Variants in CADPS observed in about 807,000 individuals in gnomAD.
CADPS encodes calcium dependent secretion activator, also known as calcium-dependent secretion activator 1.
Under a neutral mutation model 167.3 loss-of-function variants are expected in CADPS, and 57 were observed. The ratio of observed to expected loss-of-function variants is 0.34; its 90% CI spans 0.28 to 0.42. CADPS has a LOEUF of 0.42. Among genes scored for constraint, CADPS ranks in the 20% least tolerant of loss-of-function variants. The pLI is 1.00. For synonymous variants in CADPS, 676 were observed against 635.3 expected (o/e 1.06, Z -0.96); for missense variants, 1,414 against 1,738.1 (o/e 0.81, Z 3.32).
At chr3:62,812,562 T>C (rs1420247471) in intron 1 of CADPS, among the ~76,000 whole-genome samples, 1 of 152,164 alleles carries the variant, frequency 6.6e-6, no homozygotes, top group African/African-American at 2.4e-5. Context: ...GTGCATGCAA[T>C]TTCATTTTAA....
intron 28 of CADPS, among the ~76,000 whole-genome samples, chr3:62,430,006 A>G (rs2149585542): frequency 6.6e-6 from 1 of 152,326 alleles, no homozygotes; most frequent in South Asian, 2.1e-4. Context: ...ATTTCTATGA[A>G]TGGCTTTGGA....
chr3:62,555,374 T>G (rs10470701), intron 10 of CADPS, among the ~76,000 whole-genome samples: 25,659 of 152,202 alleles, frequency 0.17, 2,418 homozygotes, highest in African/African-American at 0.27. Context: ...CCCCACTGAG[T>G]GAAGATAATT....
At chr3:62,814,572 G>T (rs2094528586) in intron 1 of CADPS, 1 of 152,084 alleles carries the variant, frequency 6.6e-6, no homozygotes, top group African/African-American at 2.4e-5. Context: ...CATGTACGGT[G>T]CATCTTGGTA....
intron 24 of CADPS, among the ~76,000 whole-genome samples, chr3:62,471,901 C>T (rs946922319): frequency 6.6e-6 from 1 of 151,544 alleles, no homozygotes; most frequent in Non-Finnish European, 1.5e-5. Context: ...GTCAAGTATC[C>T]AGAACATATA....
chr3:62,843,833 C>G (rs774953928), intron 1 of CADPS, among the ~76,000 whole-genome samples: 4 of 151,060 alleles, frequency 2.6e-5, no homozygotes, highest in Non-Finnish European at 5.9e-5. Flanking sequence ...TGAAGTTTTG[C>G]CAGCTTAAAA....
intron 6 of CADPS, among the ~76,000 whole-genome samples, chr3:62,606,346 G>A (rs1320224651): frequency 1.3e-5 from 2 of 152,100 alleles, no homozygotes; most frequent in Admixed American, 1.3e-4. Context: ...ATCTATTTAT[G>A]GATTAATGGG....
rs1576869041 is a variant in CADPS at position 62,499,068 on chromosome 3, G to T, written c.2706+94C>A. ...CAATCCCAGTTAAAAGAAAATGGGT[G>T]TTAAGGCATCTTATTCACAATCTGG... On this transcript the variant is annotated intron_variant, in intron 18 of 29. Coordinates refer to ENST00000383710, the MANE Select transcript of CADPS (RefSeq NM_003716.4). The T allele has an allele frequency of 5.7e-6, 4 of 700,210 alleles. No homozygotes were observed. In the East Asian group the frequency reaches 7.7e-5, roughly 14 times the overall value. The allele number at this position is 700,210 out of a possible 1,614,324, so 43.4% of individuals were successfully genotyped here.
Position 62,626,635 on chromosome 3 carries a change from T to C in CADPS, c.1325+19087A>G, listed in dbSNP as rs1486167980. 1.2e-5 allele frequency: 8 copies of C among 692,556 alleles called. 1 individual carries two copies. The Admixed American group carries it at 1.6e-4, about 14-fold the overall frequency. 42.9% of individuals were successfully genotyped at this position (692,556 alleles called of 1,614,324 possible). On this transcript the variant is annotated intron_variant, in intron 6 of 29. Coordinates refer to ENST00000383710, the MANE Select transcript of CADPS (RefSeq NM_003716.4). ...TAAATTTGCTAAGCCTTTTTTGTTG[T>C]ACAAAGAAGGCAATTTTGTTGACGT...
intron 1 of CADPS, among the ~76,000 whole-genome samples, chr3:62,770,680 C>A (rs568463303): frequency 3.7e-4 from 57 of 152,314 alleles, no homozygotes; most frequent in African/African-American, 1.3e-3. Context: ...CCTGCCTTGG[C>A]CTCCCAAAGT....
chr3:62,626,598 G>C (rs543749892), intron 6 of CADPS: 1 of 700,568 alleles, frequency 1.4e-6, no homozygotes, highest in African/African-American at 1.7e-5. Context: ...TCAGTGTGAA[G>C]GAAGAACGTC....
At chr3:62,672,441 G>T (rs2075691638) in intron 3 of CADPS, among the ~76,000 whole-genome samples, 1 of 152,158 alleles carries the variant, frequency 6.6e-6, no homozygotes, top group Admixed American at 6.5e-5. Context: ...GGTAGTAAGA[G>T]CCTGAGACCC....
At chr3:62,606,535 C>A (rs2060717197) in intron 6 of CADPS, among the ~76,000 whole-genome samples, 1 of 152,222 alleles carries the variant, frequency 6.6e-6, no homozygotes, top group Non-Finnish European at 1.5e-5. Context: ...TGACCTTGGA[C>A]TTCTCAGCCT....
chr3:62,602,921 G>A lies in CADPS; in HGVS notation c.1326-10173C>T, dbSNP rs138938022. On this transcript the variant is annotated intron_variant, in intron 6 of 29. Coordinates refer to ENST00000383710, the MANE Select transcript of CADPS (RefSeq NM_003716.4). The surrounding 1 kb of genome is among the most constrained non-coding windows in gnomAD (Gnocchi z 4.4). ...TTTGCCACATGTCCGTCTTGTCACC[G>A]GATCTTTCAAATCCCCTACGTATAT... 0.032 allele frequency among the ~76,000 whole-genome samples: 4,912 copies of A among 152,138 alleles called. 134 individuals carry two copies. The highest frequency in any genetic ancestry group is 0.049 in the Non-Finnish European group (3,341 of 68,006).
chr3:62,526,406 C>A (rs933466763), intron 13 of CADPS, among the ~76,000 whole-genome samples: 2 of 152,138 alleles, frequency 1.3e-5, no homozygotes, highest in Non-Finnish European at 2.9e-5. Context: ...AAGAGCAGCA[C>A]TGGCATTCAA....
chr3:62,789,623 G>C (rs2092761184), intron 1 of CADPS, among the ~76,000 whole-genome samples: 1 of 152,194 alleles, frequency 6.6e-6, no homozygotes, highest in African/African-American at 2.4e-5. Context: ...GCAGAAGCCA[G>C]CTTCACACTG....
intron 13 of CADPS, among the ~76,000 whole-genome samples, chr3:62,519,673 G>A (rs2069949663): frequency 6.6e-6 from 1 of 152,142 alleles, no homozygotes; most frequent in Non-Finnish European, 1.5e-5. Flanking sequence ...AGGCTGGGGT[G>A]CAGCAGTGTG....
chr3:62,770,850 AC>A (rs2152538736), intron 1 of CADPS, among the ~76,000 whole-genome samples: 1 of 152,282 alleles, frequency 6.6e-6, no homozygotes, highest in Non-Finnish European at 1.5e-5. Context: ...TCCAAAAGTG[AC>A]CACCAGCCTG....
chr3:62,743,369 G>A (rs478714), intron 3 of CADPS, among the ~76,000 whole-genome samples: 56,533 of 151,896 alleles, frequency 0.37, 10,767 homozygotes, highest in African/African-American at 0.4. Context: ...GGCTGCTTTC[G>A]CTACAATGAC....
chr3:62,553,808 A>G (rs1331876825), intron 10 of CADPS, among the ~76,000 whole-genome samples: 1 of 152,206 alleles, frequency 6.6e-6, no homozygotes, highest in Admixed American at 6.5e-5. Context: ...GAAGATCCAC[A>G]TGTCATAACC....
Sources: gnomAD v4.1 joint callset for allele counts (sites outside exome capture counted in the v4.1 genomes callset) on GRCh38, gnomAD v4.1.1 for gene constraint, Gnocchi (gnomAD v3.1) non-coding constraint, MANE v1.5 for transcripts, NCBI Gene and HGNC (gene_info 2026-07-23, HGNC 2026-07-21) for gene names.